Variants in ABCG5 observed in about 807,000 individuals in gnomAD.
ABCG5 encodes ATP-binding cassette sub-family G member 5.
Under a neutral mutation model 64.5 loss-of-function variants are expected in ABCG5, and 64 were observed. The observed-to-expected ratio is 0.99, with a 90% confidence interval of 0.81 to 1.22. The LOEUF is 1.22. Among genes scored for constraint, ABCG5 ranks in the 50% most tolerant of loss-of-function variants. The probability of loss-of-function intolerance (pLI) is 0.00; values close to 1 mark genes in which losing one functional copy is unlikely to be tolerated. For missense variants in ABCG5, 908 were observed against 829.5 expected (o/e 1.09, Z -1.16); for synonymous variants, 385 against 326.3 (o/e 1.18, Z -1.94).
chr2:43,832,841 ACT>A (rs1023744781), intron 2 of ABCG5, among the ~76,000 whole-genome samples: 3 of 151,990 alleles, frequency 2.0e-5, no homozygotes, highest in Non-Finnish European at 4.4e-5. Flanking sequence ...ACTGAGTGTC[ACT>A]CTGTCACCCA....
chr2:43,813,278 T>G lies in ABCG5; in HGVS notation c.1794A>C (p.Pro598=). 1 of 1,613,830 alleles carries G rather than the reference T, an allele frequency of 6.2e-7. No homozygotes were observed. Among genetic ancestry groups the G allele is most frequent in the Non-Finnish European group, 8.5e-7 (1 of 1,179,868 alleles). ...GAATTCCTTGAGTGAAGGCACACAT[T>G]GGATTAGTTGTCACAGAAACATTTG... The part of the protein sequence containing the change: ...GSSNVSVTTN[P]MCAFTQGIQF... Residue 598 remains proline (P), a synonymous_variant, in exon 13 of 13, where the codon CCA becomes CCC. Transcript: ENST00000405322.
At chr2:43,807,412 A>G in the ABCG5 span, among the ~76,000 whole-genome samples, 1 of 152,132 alleles carries the variant, frequency 6.6e-6, no homozygotes, top group Admixed American at 6.6e-5. Flanking sequence ...TGTGGAAAGC[A>G]CTTGCTGAGC....
chr2:43,808,256 A>G (rs1666341791), downstream of ABCG5, among the ~76,000 whole-genome samples: 1 of 122,326 alleles, frequency 8.2e-6, no homozygotes, highest in Non-Finnish European at 1.7e-5. Flanking sequence ...CCAATGAGGA[A>G]GTTAAAGGAA....
chr2:43,838,014 C>T lies in ABCG5; in HGVS notation c.144-59G>A. On this transcript the variant is annotated intron_variant, in intron 1 of 12. Transcript: ENST00000405322. The surrounding 1 kb of genome is among the most constrained non-coding windows in gnomAD (Gnocchi z 4.2). ...TTGGGGCCCTGGAAGGGGCCACACC[C>T]AGGTCCCCAGCATTGATCCTACCTG... 6.2e-7 allele frequency: 1 copy of T among 1,610,520 alleles called. No homozygotes were observed.
intron 10 of ABCG5, among the ~76,000 whole-genome samples, chr2:43,822,347 G>A (rs984511020): frequency 5.3e-5 from 8 of 152,070 alleles, no homozygotes; most frequent in African/African-American, 1.9e-4. Flanking sequence ...CTCTGATGCT[G>A]CCCAATCCTG....
chr2:43,823,975 C>G lies in ABCG5; in HGVS notation c.1262G>C (p.Gly421Ala), dbSNP rs1667422660. 1 of 1,614,200 alleles carries G rather than the reference C, an allele frequency of 6.2e-7. No individual in the cohort carries two copies. The highest frequency in any genetic ancestry group is 8.5e-7 in the Non-Finnish European group (1 of 1,180,044). Residue 421 changes from glycine to alanine, a missense_variant, in exon 9 of 13, where the codon GGT becomes GCT. Transcript: ENST00000405322. ...VLKGAIQDRV[G>A]LLYQFVGATP... ...GGCGCCCACAAACTGGTAAAGGAGACCTACGCGGTCCTGGATAGCACCCTT... is the reference window on the plus strand; with the variant it reads ...GGCGCCCACAAACTGGTAAAGGAGAGCTACGCGGTCCTGGATAGCACCCTT...
chr2:43,827,055 T>A (rs912494862), intron 5 of ABCG5, among the ~76,000 whole-genome samples: 1 of 152,212 alleles, frequency 6.6e-6, no homozygotes, highest in African/African-American at 2.4e-5. Flanking sequence ...CCGGGCGCGG[T>A]GGCTCACGCC....
chr2:43,826,453 G>C lies in ABCG5; in HGVS notation c.703C>G (p.Leu235Val). The part of the protein sequence containing the change: ...CMTANQIVVL[L>V]VELARRNRIV... The stretch of plus-strand genomic sequence containing the variant: ...CGGTTCCTGCGAGCCAGTTCCACCA[G>C]GAGGACGACAATCTGATTAGCAGTC... Residue 235 changes from leucine (L) to valine (V), a missense_variant, in exon 6 of 13, where the codon CTG (leucine) becomes GTG (valine). Transcript: ENST00000405322. The C allele has an allele frequency of 6.2e-7, 1 of 1,614,170 alleles. No individual in the cohort carries two copies. The highest frequency in any genetic ancestry group is 8.5e-7 in the Non-Finnish European group (1 of 1,180,046).
Position 43,824,451 on chromosome 2 carries a change from A to T in ABCG5, c.905-19T>A, listed in dbSNP as rs2104817630. ...AGGTCCACTAAAAGTTTTTCCCAAA[A>T]GATGTCACCCATGTGTTTTTAAATG... On this transcript the variant is annotated intron_variant, in intron 7 of 12. Coordinates refer to ENST00000405322, the MANE Select transcript of ABCG5 (RefSeq NM_022436.3). 1 of 1,612,764 alleles carries T rather than the reference A, an allele frequency of 6.2e-7. No individual in the cohort carries two copies.
chr2:43,818,333 AT>A (rs1666978362), intron 11 of ABCG5, among the ~76,000 whole-genome samples: 1 of 152,178 alleles, frequency 6.6e-6, no homozygotes, highest in Non-Finnish European at 1.5e-5. Flanking sequence ...AATCCCAGCT[AT>A]TCAGGAGACT....
the ABCG5 span, among the ~76,000 whole-genome samples, chr2:43,806,291 C>G: frequency 6.6e-6 from 1 of 152,292 alleles, no homozygotes; most frequent in Non-Finnish European, 1.5e-5. Context: ...ATGCTAAGCA[C>G]TAGATCGAAA....
chr2:43,830,827 A>G (rs1667909694), intron 4 of ABCG5, among the ~76,000 whole-genome samples: 1 of 152,260 alleles, frequency 6.6e-6, no homozygotes, highest in South Asian at 2.1e-4. Context: ...ACCTGTGGCT[A>G]CTTCCAAACT....
Position 43,838,501 on chromosome 2 carries a change from C to A in ABCG5, c.143+36G>T. 6.4e-7 allele frequency: 1 copy of A among 1,573,870 alleles called. No homozygotes were observed. The highest frequency in any genetic ancestry group is 8.6e-7 in the Non-Finnish European group (1 of 1,159,708). ...AGGGGTGAGCGCCGGGCCCCGCACT[C>A]CTGGGGGAGCAGCAGCAGCAAGGGC... On this transcript the variant is annotated intron_variant, in intron 1 of 12. Coordinates refer to ENST00000405322, the MANE Select transcript of ABCG5 (RefSeq NM_022436.3). The surrounding 1 kb of genome is among the most constrained non-coding windows in gnomAD (Gnocchi z 4.2).
chr2:43,839,009 G>T, upstream of ABCG5: 1 of 1,534,194 alleles, frequency 6.5e-7, no homozygotes, highest in African/African-American at 1.4e-5. Context: ...GGCAGCAGCT[G>T]GGTCTAAGAG....
At chr2:43,832,284 G>C in intron 2 of ABCG5, 2 of 672,728 alleles carry the variant, frequency 3.0e-6, no homozygotes, top group South Asian at 3.7e-5. Context: ...TCACGCGCAA[G>C]TGAGTCTCTG....
At chr2:43,833,393 T>C (rs956646173) in intron 2 of ABCG5, among the ~76,000 whole-genome samples, 2 of 146,002 alleles carry the variant, frequency 1.4e-5, no homozygotes, top group Admixed American at 6.9e-5. Context: ...ATTATTATTA[T>C]TATTATTGAG....
At chr2:43,829,395 C>T (rs1297986335) in intron 4 of ABCG5, among the ~76,000 whole-genome samples, 1 of 152,084 alleles carries the variant, frequency 6.6e-6, no homozygotes, top group East Asian at 1.9e-4. Context: ...TAATGGGGAC[C>T]CAATTTATAA....
upstream of ABCG5, chr2:43,839,187 C>T: frequency 2.0e-6 from 3 of 1,490,856 alleles, no homozygotes; most frequent in East Asian, 2.5e-5. Flanking sequence ...TCTCTCTTCC[C>T]TCAGGAGCCT....
At chr2:43,833,056 C>A (rs770112785) in intron 2 of ABCG5, among the ~76,000 whole-genome samples, 2 of 152,122 alleles carry the variant, frequency 1.3e-5, no homozygotes, top group Non-Finnish European at 2.9e-5. Flanking sequence ...GTGATCCTCC[C>A]GCCTCAGCCT....
Sources: allele counts gnomAD v4.1 joint callset (sites outside exome capture counted in the v4.1 genomes callset), GRCh38; gene constraint gnomAD v4.1.1; non-coding constraint Gnocchi (gnomAD v3.1); transcripts MANE v1.5; gene names NCBI Gene and HGNC (gene_info 2026-07-23, HGNC 2026-07-21).